SS18L2: variants seen among roughly 807,000 people sequenced by gnomAD.
SS18L2 encodes the protein SS18-like protein 2.
SS18L2 carries 8 observed loss-of-function variants against 10.3 expected under a neutral mutation model. The ratio of observed to expected loss-of-function variants is 0.78; its 90% CI spans 0.46 to 1.41. The LOEUF is 1.41. SS18L2 is among the 40% of genes most tolerant of loss of function. SS18L2 has a pLI of 0.00. For synonymous variants in SS18L2, 41 were observed against 34.6 expected, an observed-to-expected ratio of 1.19 and a Z score of -0.65; for missense variants, 100 against 96.2, an observed-to-expected ratio of 1.04 and a Z score of -0.17.
chr3:42,591,948 T>A lies in SS18L2; in HGVS notation c.146+347T>A, dbSNP rs767913932. On this transcript the variant is annotated intron_variant, in intron 2 of 2. Transcript: ENST00000011691. ...GCCATGGCCCCTTTCTCATCTTGGA[T>A]CCCTGCCTCATCCTTTCTCTGTTAA... Among the ~76,000 whole-genome samples the A allele has an allele frequency of 2.0e-5, 3 of 152,170 alleles. No individual in the cohort carries two copies. The South Asian group carries it at 6.2e-4, about 31-fold the overall frequency.
chr3:42,586,181 A>G (rs1577366969), upstream of SS18L2, among the ~76,000 whole-genome samples: 1 of 152,064 alleles, frequency 6.6e-6, no homozygotes, highest in Non-Finnish European at 1.5e-5. Flanking sequence ...TCACCATATC[A>G]CTGAAAATGC....
At chr3:42,587,663 G>A (rs1276636784), upstream of SS18L2, 1 of 152,100 alleles carries the variant, frequency 6.6e-6, no homozygotes, top group African/African-American at 2.4e-5. Context: ...ATGAACCTGG[G>A]AGGCGGAGCT....
In SS18L2 at chr3:42,596,053, C is replaced by T. The variant is rs9812673; in HGVS notation, c.*1544C>T. The stretch of plus-strand genomic sequence containing the variant: ...TTTTTGTTTTTGTTTTTTTTTGAGA[C>T]GGAATCTCGCTCTGTCGGAGTGCAG... On this transcript the variant is annotated 3_prime_UTR_variant, in exon 3 of 3. Coordinates refer to ENST00000011691, the MANE Select transcript of SS18L2 (RefSeq NM_001370300.1). Among the ~76,000 whole-genome samples, 954 of 151,090 alleles carry T rather than the reference C, an allele frequency of 6.3e-3. 8 individuals carry two copies. The highest frequency in any genetic ancestry group is 0.022 in the African/African-American group (906 of 41,174).
Position 42,594,586 on chromosome 3 carries a change from T to C in SS18L2, c.*77T>C. On this transcript the variant is annotated 3_prime_UTR_variant, in exon 3 of 3. Coordinates refer to ENST00000011691, the MANE Select transcript of SS18L2 (RefSeq NM_001370300.1). Reference sequence around the variant, plus strand: ...TGAATGTAATCCATCTCTTACAAAATGGAGACAGGGTCTTTACCAACTCAA... The same window carrying C: ...TGAATGTAATCCATCTCTTACAAAACGGAGACAGGGTCTTTACCAACTCAA... 1 of 1,287,014 alleles carries C rather than the reference T, an allele frequency of 7.8e-7. No individual in the cohort carries two copies. The highest frequency in any genetic ancestry group is 1.1e-6 in the Non-Finnish European group (1 of 894,436). 79.7% of individuals were successfully genotyped at this position (1,287,014 alleles called of 1,614,324 possible).
intron 1 of SS18L2, among the ~76,000 whole-genome samples, chr3:42,584,574 A>T (rs1311034678): frequency 6.6e-6 from 1 of 152,204 alleles, no homozygotes; most frequent in East Asian, 1.9e-4. Flanking sequence ...GACTTTTGAA[A>T]GTCAGCATCA....
chr3:42,581,850 C>T (rs1704386563), exon 1 of SS18L2: 1 of 152,322 alleles, frequency 6.6e-6, no homozygotes, highest in Admixed American at 6.5e-5. Flanking sequence ...CCTCACCTCG[C>T]CCGGACGGCG....
intron 2 of SS18L2, among the ~76,000 whole-genome samples, chr3:42,592,608 A>C (rs1465070346): frequency 6.6e-6 from 1 of 152,238 alleles, no homozygotes; most frequent in African/African-American, 2.4e-5. Flanking sequence ...TGAATACCTT[A>C]ATAGAATAGT....
chr3:42,594,630 A>C lies in SS18L2; in HGVS notation c.*121A>C. The C allele has an allele frequency of 1.3e-6, 1 of 779,808 alleles. No homozygotes were observed. Among genetic ancestry groups the C allele is most frequent in the Middle Eastern group, 3.9e-4 (1 of 2,546 alleles). 48.3% of individuals were successfully genotyped at this position (779,808 alleles called of 1,614,324 possible). On this transcript the variant is annotated 3_prime_UTR_variant, in exon 3 of 3. Coordinates refer to ENST00000011691, the MANE Select transcript of SS18L2 (RefSeq NM_001370300.1). ...AACTCAACTGGTTAAAACATGAATG[A>C]AACCTCTGTGGCTCTTTCGAAACGT... is the stretch of plus-strand genomic sequence containing the variant.
upstream of SS18L2, among the ~76,000 whole-genome samples, chr3:42,587,977 GC>G (rs955063556): frequency 6.6e-6 from 1 of 151,978 alleles, no homozygotes; most frequent in Admixed American, 6.6e-5. Context: ...GGAGGCTGAG[GC>G]AGGAGAATTG....
chr3:42,590,888 G>T lies in SS18L2; in HGVS notation c.-10G>T. ...TTGCTTGGCGGTCGTGGTTCCGGAG[G>T]TTCCTCGGGATGTCGGTGGCCTTCG... On this transcript the variant is annotated 5_prime_UTR_variant, in exon 1 of 3. Transcript: ENST00000011691. 1 of 1,611,414 alleles carries T rather than the reference G, an allele frequency of 6.2e-7. No homozygotes were observed. Among genetic ancestry groups the T allele is most frequent in the South Asian group, 1.1e-5 (1 of 91,060 alleles).
upstream of SS18L2, among the ~76,000 whole-genome samples, chr3:42,589,927 A>T (rs996854880): frequency 6.6e-6 from 1 of 152,170 alleles, no homozygotes; most frequent in Non-Finnish European, 1.5e-5. Context: ...CTTGCGGCAC[A>T]ACACCTTTGC....
intron 2 of SS18L2, among the ~76,000 whole-genome samples, chr3:42,592,953 G>A (rs1383615919): frequency 6.6e-6 from 1 of 151,970 alleles, no homozygotes; most frequent in Non-Finnish European, 1.5e-5. Context: ...AAGTACAGTT[G>A]GTCCTCTGTA....
chr3:42,592,358 C>A (rs1226829650), intron 2 of SS18L2, among the ~76,000 whole-genome samples: 1 of 152,052 alleles, frequency 6.6e-6, no homozygotes, highest in Non-Finnish European at 1.5e-5. Context: ...TGCCACCACG[C>A]CCTGCTAATT....
intron 1 of SS18L2, among the ~76,000 whole-genome samples, chr3:42,582,784 C>T (rs1005768000): frequency 1.3e-5 from 2 of 152,102 alleles, no homozygotes; most frequent in African/African-American, 4.8e-5. Flanking sequence ...AAGTGTGTTT[C>T]AGATGGAGAG....
upstream of SS18L2, chr3:42,590,779 A>T: frequency 1.9e-6 from 2 of 1,040,590 alleles, no homozygotes; most frequent in African/African-American, 3.1e-5. Context: ...CCAGTCACAA[A>T]TGACGTCCCT....
chr3:42,596,581 G>A lies in SS18L2; in HGVS notation c.*2072G>A, dbSNP rs1705038301. On this transcript the variant is annotated 3_prime_UTR_variant, in exon 3 of 3. Transcript: ENST00000011691. ...CTTGGAAGAGATGGAGGAGGTGTCA[G>A]TCATTTTGGTTGATACTAGCCCTAG... is the stretch of plus-strand genomic sequence containing the variant. 6.6e-6 allele frequency among the ~76,000 whole-genome samples: 1 copy of A among 152,208 alleles called. No homozygotes were observed. Among genetic ancestry groups the A allele is most frequent in the Non-Finnish European group, 1.5e-5 (1 of 68,036 alleles).
intron 1 of SS18L2, among the ~76,000 whole-genome samples, chr3:42,584,604 G>T (rs1313368794): frequency 6.6e-6 from 1 of 152,142 alleles, no homozygotes; most frequent in African/African-American, 2.4e-5. Flanking sequence ...AAATCGAAGT[G>T]GGGCTTACAT....
chr3:42,590,918 G>T lies in SS18L2; in HGVS notation c.21G>T (p.Pro7=). 6.2e-7 allele frequency: 1 copy of T among 1,613,320 alleles called. No individual in the cohort carries two copies. Among genetic ancestry groups the T allele is most frequent in the Non-Finnish European group, 8.5e-7 (1 of 1,179,712 alleles). The change falls in exon 1 of 3, where the codon CCG becomes CCT. Residue 7 remains proline, a synonymous_variant. Coordinates refer to ENST00000011691, the MANE Select transcript of SS18L2 (RefSeq NM_001370300.1). The part of the protein sequence containing the change: MSVAFV[P]DWLRGKAEVN... ...TCGGGATGTCGGTGGCCTTCGTACC[G>T]GACTGGCTGAGGGGCAAGGCGGAAG...
intron 1 of SS18L2, among the ~76,000 whole-genome samples, chr3:42,585,112 A>G (rs1008081520): frequency 2.0e-5 from 3 of 152,178 alleles, no homozygotes; most frequent in Non-Finnish European, 4.4e-5. Context: ...CTGACCTACA[A>G]GAGCGAAACT....
Sources: gnomAD v4.1 joint callset for allele counts (sites outside exome capture counted in the v4.1 genomes callset) on GRCh38, gnomAD v4.1.1 for gene constraint, MANE v1.5 for transcripts, NCBI Gene and HGNC (gene_info 2026-07-23, HGNC 2026-07-21) for gene names.